The following LRRC3B variants were observed in gnomAD, a reference collection of about 807,000 sequenced individuals.
The protein encoded by LRRC3B is leucine rich repeat containing 3B, also known as leucine-rich repeat-containing protein 3B.
LRRC3B carries 2 observed loss-of-function variants against 12.8 expected under a neutral mutation model. The observed-to-expected ratio is 0.16, with a 90% CI of 0.06 to 0.49. LRRC3B has a LOEUF of 0.49. LRRC3B is among the 20% of genes least tolerant of loss of function. The probability of loss-of-function intolerance (pLI) is 0.96; values close to 1 mark genes in which losing one functional copy is unlikely to be tolerated. For missense variants in LRRC3B, 189 were observed against 319.4 expected (o/e 0.59, Z 3.11); for synonymous variants, 132 against 122.0 (o/e 1.08, Z -0.54).
chr3:26,626,383 G>A (rs1698626047), intron 1 of LRRC3B, among the ~76,000 whole-genome samples: 1 of 152,204 alleles, frequency 6.6e-6, no homozygotes, highest in East Asian at 1.9e-4. Context: ...GCAAATGAAA[G>A]CCTCTCTCTG....
intron 1 of LRRC3B, among the ~76,000 whole-genome samples, chr3:26,651,949 A>T (rs1046002292): frequency 6.6e-6 from 1 of 152,192 alleles, no homozygotes; most frequent in Non-Finnish European, 1.5e-5. Flanking sequence ...AAATGACATC[A>T]TATCTCATTG....
At chr3:26,691,932 T>G (rs1700201634) in intron 1 of LRRC3B, among the ~76,000 whole-genome samples, 1 of 152,206 alleles carries the variant, frequency 6.6e-6, no homozygotes, top group African/African-American at 2.4e-5. Flanking sequence ...GAATTTTTGC[T>G]TCGTTTGTAG....
chr3:26,674,620 C>T (rs1255881124), intron 1 of LRRC3B, among the ~76,000 whole-genome samples: 23 of 152,104 alleles, frequency 1.5e-4, no homozygotes, highest in Admixed American at 1.5e-3. Context: ...CTGTCTTATG[C>T]CTAGCACCAA....
intron 1 of LRRC3B, among the ~76,000 whole-genome samples, chr3:26,661,108 G>C (rs11919868): frequency 0.056 from 8,479 of 152,198 alleles, 331 homozygotes; most frequent in East Asian, 0.15. Context: ...GCTGACCCCA[G>C]GGGTATGTAC....
intron 1 of LRRC3B, among the ~76,000 whole-genome samples, chr3:26,643,625 T>C (rs1158672638): frequency 6.6e-6 from 1 of 152,190 alleles, no homozygotes; most frequent in East Asian, 1.9e-4. Flanking sequence ...GTGCCTTTTT[T>C]ACAGGCCACA....
At chr3:26,627,831 AG>A (rs552873605) in intron 1 of LRRC3B, among the ~76,000 whole-genome samples, 55 of 152,334 alleles carry the variant, frequency 3.6e-4, no homozygotes, top group African/African-American at 1.3e-3. Flanking sequence ...ATCATCCAGA[AG>A]GGTGACCTTC....
intron 1 of LRRC3B, among the ~76,000 whole-genome samples, chr3:26,632,809 C>T (rs1698786568): frequency 6.6e-6 from 1 of 152,118 alleles, no homozygotes; most frequent in Admixed American, 6.5e-5. Flanking sequence ...TCCTTTGTCA[C>T]CTGGCTGTTA....
chr3:26,671,055 G>A (rs1314348122), intron 1 of LRRC3B, among the ~76,000 whole-genome samples: 2 of 114,300 alleles, frequency 1.7e-5, no homozygotes, highest in South Asian at 5.8e-4. Context: ...TCGCTCTGTC[G>A]CCCAGGCTGG....
rs1261897533 is a variant in LRRC3B, at chr3:26,671,373, T to TATATAGAGAGAGAGAG, written c.-160-38139_-160-38138insTATAGAGAGAGAGAGA. Among the ~76,000 whole-genome samples the TATATAGAGAGAGAGAG allele has an allele frequency of 1.2e-3, 35 of 28,244 alleles. 1 individual carries two copies. The highest frequency in any genetic ancestry group is 5.1e-3 in the East Asian group (2 of 396). The allele number at this position is 28,244 out of a possible 152,430, so 18.5% of individuals were successfully genotyped here. ...GTGTATATATATATATATATATATATAGAGAGAGAGAGAGAGAGAGAGAGA... is the reference window on the plus strand; with the variant it reads ...GTGTATATATATATATATATATATATATATAGAGAGAGAGAGAGAGAGAGAGAGAGAGAGAGAGAGA... On this transcript the variant is annotated intron_variant, in intron 1 of 1. Transcript: ENST00000396641.
exon 2 of LRRC3B, chr3:26,710,579 C>A: frequency 1.0e-6 from 1 of 976,666 alleles, no homozygotes; most frequent in Non-Finnish European, 1.5e-6. Flanking sequence ...TTGAATTATG[C>A]CACTGCTGAA....
rs79028121 is a variant in LRRC3B at position 26,674,810 on chromosome 3, T to C, written c.-160-34703T>C. On this transcript the variant is annotated intron_variant, in intron 1 of 1. Transcript: ENST00000396641. ...TCCAACCTACAACCTTCTCTCTACT[T>C]CTTCTCCCATGTTTTCCTTCTCAGT... 2.3e-4 allele frequency among the ~76,000 whole-genome samples: 35 copies of C among 152,186 alleles called. No homozygotes were observed. In the East Asian group the frequency reaches 6.8e-3, roughly 29 times the overall value.
chr3:26,640,615 A>C (rs528513510), intron 1 of LRRC3B, among the ~76,000 whole-genome samples: 39 of 152,310 alleles, frequency 2.6e-4, no homozygotes, highest in African/African-American at 9.4e-4. Context: ...GGTTATTTTT[A>C]AAATATGGGA....
chr3:26,664,034 C>G (rs952695572), intron 1 of LRRC3B, among the ~76,000 whole-genome samples: 1 of 152,056 alleles, frequency 6.6e-6, no homozygotes, highest in African/African-American at 2.4e-5. Context: ...CAAATAAAGC[C>G]CACACTACTT....
rs1238069765 is a variant in LRRC3B, at chr3:26,695,542, CAAAA to C, written c.-160-13967_-160-13964del. Reference sequence around the variant, plus strand: ...ACAACATCTCAAACAAACAAACAAACAAAAAAACTTCTTGATTTTTCTTTTTTGC... The same window carrying C: ...ACAACATCTCAAACAAACAAACAAACAAACTTCTTGATTTTTCTTTTTTGC... On this transcript the variant is annotated intron_variant, in intron 1 of 1. Coordinates refer to ENST00000396641, the Ensembl canonical transcript of LRRC3B. 2.6e-5 allele frequency among the ~76,000 whole-genome samples: 4 copies of C among 151,874 alleles called. No homozygotes were observed. The East Asian group carries it at 7.8e-4, about 29-fold the overall frequency.
At chr3:26,682,039 A>G (rs1699983265) in intron 1 of LRRC3B, among the ~76,000 whole-genome samples, 2 of 152,106 alleles carry the variant, frequency 1.3e-5, no homozygotes, top group African/African-American at 4.8e-5. Context: ...TAATGATTAT[A>G]AAAATATTCT....
intron 1 of LRRC3B, chr3:26,701,096 T>G (rs942870926): frequency 6.6e-6 from 1 of 152,166 alleles, no homozygotes; most frequent in Non-Finnish European, 1.5e-5. Flanking sequence ...TTATTTTAAG[T>G]CACAAACTCA....
At chr3:26,710,016 T>C in exon 2 of LRRC3B, 1 of 1,614,128 alleles carries the variant, frequency 6.2e-7, no homozygotes, top group Non-Finnish European at 8.5e-7. Flanking sequence ...GCTGAAACCT[T>C]GCAGACTCTG....
chr3:26,641,848 C>T (rs9865875), intron 1 of LRRC3B, among the ~76,000 whole-genome samples: 14,541 of 151,998 alleles, frequency 0.096, 1,367 homozygotes, highest in East Asian at 0.3. Flanking sequence ...GGTATCAGAA[C>T]CCTTTTAGAC....
rs115315310 is a variant in LRRC3B at position 26,639,813 on chromosome 3, C to T, written c.-161+16576C>T. On this transcript the variant is annotated intron_variant, in intron 1 of 1. Transcript: ENST00000396641. ...TCTTTTTGTTAATCTAATATTTTTC[C>T]AAAAATCTCCCCACCTTCTCTTTAG... is the stretch of plus-strand genomic sequence containing the variant. 1.6e-3 allele frequency among the ~76,000 whole-genome samples: 248 copies of T among 152,128 alleles called. 1 individual carries two copies. Among genetic ancestry groups the T allele is most frequent in the African/African-American group, 5.7e-3 (237 of 41,510 alleles).
Sources: gnomAD v4.1 joint callset for allele counts (sites outside exome capture counted in the v4.1 genomes callset) on GRCh38, gnomAD v4.1.1 for gene constraint, MANE v1.5 for transcripts, NCBI Gene and HGNC (gene_info 2026-07-23, HGNC 2026-07-21) for gene names.